FGF14: variants seen among roughly 807,000 people sequenced by gnomAD.
FGF14 encodes the protein fibroblast growth factor 14, also known as fibroblast growth factor homologous factor 4.
FGF14 carries 5 observed loss-of-function variants against 25.5 expected under a neutral mutation model. The observed-to-expected ratio is 0.20, with a 90% CI of 0.10 to 0.41. FGF14 has a LOEUF of 0.41. FGF14 is among the 10% of genes least tolerant of loss of function. The pLI, the probability that FGF14 is intolerant of heterozygous loss-of-function variation, is 1.00. For missense variants in FGF14, 222 were observed against 320.1 expected, an observed-to-expected ratio of 0.69 and a Z score of 2.34; for synonymous variants, 138 against 118.3, an observed-to-expected ratio of 1.17 and a Z score of -1.08.
rs1487852014 is a variant in FGF14, at chr13:102,320,577, C to T, written c.208+80894G>A. 2.6e-5 allele frequency among the ~76,000 whole-genome samples: 4 copies of T among 152,086 alleles called. No individual in the cohort carries two copies. In the East Asian group the frequency reaches 5.8e-4, roughly 22 times the overall value. The stretch of plus-strand genomic sequence containing the variant: ...TGTTTTGGAGACTTATTTTGTCATA[C>T]AGTCTTAAAGGAAAGGGATCTGGTT... On this transcript the variant is annotated intron_variant, in intron 1 of 4. Transcript: ENST00000376131.
At chr13:101,788,905 TATATAGAGAGAGAGAGAGAG>T (rs1399280701) in intron 3 of FGF14, among the ~76,000 whole-genome samples, 50 of 32,836 alleles carry the variant, frequency 1.5e-3, no homozygotes, top group South Asian at 2.9e-3. Context: ...TATATATATA[TATATAGAGAGAGAGAGAGAG>T]AGAGAGAGAG....
At chr13:102,223,639 T>G (rs988700342) in intron 1 of FGF14, among the ~76,000 whole-genome samples, 1 of 152,208 alleles carries the variant, frequency 6.6e-6, no homozygotes, top group Non-Finnish European at 1.5e-5. Context: ...TTGAAACACT[T>G]AAAAATCAAC....
intron 3 of FGF14, among the ~76,000 whole-genome samples, chr13:101,806,296 G>A (rs776211660): frequency 7.9e-5 from 12 of 151,984 alleles, no homozygotes; most frequent in African/African-American, 2.7e-4. Context: ...ATGTGTGCCT[G>A]TAATCCCAGC....
At chr13:101,948,514 A>T (rs1007293972) in intron 1 of FGF14, among the ~76,000 whole-genome samples, 8 of 151,130 alleles carry the variant, frequency 5.3e-5, no homozygotes, top group African/African-American at 1.9e-4. Flanking sequence ...CTACATTTTC[A>T]CTATGGGAAG....
chr13:102,129,879 T>C (rs1334259970), intron 1 of FGF14, among the ~76,000 whole-genome samples: 1 of 152,168 alleles, frequency 6.6e-6, no homozygotes, highest in Non-Finnish European at 1.5e-5. Flanking sequence ...AAGTTCTCCA[T>C]TGCAGATCTA....
chr13:101,935,700 G>A (rs1455619152), intron 1 of FGF14, among the ~76,000 whole-genome samples: 1 of 152,106 alleles, frequency 6.6e-6, no homozygotes, highest in Non-Finnish European at 1.5e-5. Flanking sequence ...AAATTACCCA[G>A]TGTCAGGTAT....
At chr13:101,932,316 G>A (rs1266583628) in intron 1 of FGF14, among the ~76,000 whole-genome samples, 3 of 152,026 alleles carry the variant, frequency 2.0e-5, no homozygotes, top group Admixed American at 2.0e-4. Context: ...GATCACCTGA[G>A]GTCAGAAGTT....
At chr13:102,214,615 C>G (rs1053532395) in intron 1 of FGF14, among the ~76,000 whole-genome samples, 1 of 152,280 alleles carries the variant, frequency 6.6e-6, no homozygotes, top group East Asian at 1.9e-4. Context: ...CCTACAGAAG[C>G]TAGGCAACCA....
At chr13:102,108,874 C>T (rs1382463671) in intron 1 of FGF14, among the ~76,000 whole-genome samples, 1 of 152,176 alleles carries the variant, frequency 6.6e-6, no homozygotes, top group African/African-American at 2.4e-5. Flanking sequence ...GATGTTTCAA[C>T]TTAACACATA....
At chr13:101,927,278 G>A (rs2034429058) in intron 1 of FGF14, among the ~76,000 whole-genome samples, 1 of 152,166 alleles carries the variant, frequency 6.6e-6, no homozygotes, top group Non-Finnish European at 1.5e-5. Flanking sequence ...ATATTTGAAA[G>A]CACCAAGACA....
intron 1 of FGF14, among the ~76,000 whole-genome samples, chr13:101,877,202 C>T (rs2045448894): frequency 6.6e-6 from 1 of 152,132 alleles, no homozygotes; most frequent in African/African-American, 2.4e-5. Flanking sequence ...GATTATGCCT[C>T]ATTTTGGGTG....
intron 1 of FGF14, among the ~76,000 whole-genome samples, chr13:102,088,993 A>G (rs1249953256): frequency 6.6e-6 from 1 of 152,182 alleles, no homozygotes; most frequent in African/African-American, 2.4e-5. Flanking sequence ...GCTTCTGTAA[A>G]AGGAAAGTCA....
intron 1 of FGF14, among the ~76,000 whole-genome samples, chr13:102,024,793 C>G (rs1341548896): frequency 6.6e-6 from 1 of 151,766 alleles, no homozygotes; most frequent in Non-Finnish European, 1.5e-5. Flanking sequence ...TAACTTCAAT[C>G]TTTTTCATGT....
At chr13:102,174,302 T>A (rs1183222007) in intron 1 of FGF14, among the ~76,000 whole-genome samples, 1 of 142,828 alleles carries the variant, frequency 7.0e-6, no homozygotes, top group East Asian at 2.3e-4. Context: ...GCCCAGCTAG[T>A]TTTTTCTTTT....
intron 3 of FGF14, among the ~76,000 whole-genome samples, chr13:101,856,918 T>C (rs2044155578): frequency 2.0e-5 from 3 of 151,982 alleles, no homozygotes. Flanking sequence ...CTTTTGCACG[T>C]GGTCTACGGT....
chr13:102,232,898 T>A (rs1041578206), intron 1 of FGF14, among the ~76,000 whole-genome samples: 11 of 152,300 alleles, frequency 7.2e-5, no homozygotes, highest in African/African-American at 2.6e-4. Flanking sequence ...GCTTATATAT[T>A]AGGTGAAACA....
At chr13:102,096,189 G>T (rs566365608) in intron 1 of FGF14, among the ~76,000 whole-genome samples, 1 of 151,982 alleles carries the variant, frequency 6.6e-6, no homozygotes, top group Admixed American at 6.6e-5. Context: ...GTACAATTAG[G>T]AATGAACAAT....
chr13:102,011,765 G>GTGTTCTCTGCAACA (rs1305740618), intron 1 of FGF14, among the ~76,000 whole-genome samples: 8 of 152,154 alleles, frequency 5.3e-5, no homozygotes, highest in African/African-American at 1.9e-4. Context: ...CGGTCATCAA[G>GTGTTCTCTGCAACA]CTCTCAGAGT....
At chr13:102,394,144 T>C (rs1321712462) in intron 1 of FGF14, among the ~76,000 whole-genome samples, 1 of 152,190 alleles carries the variant, frequency 6.6e-6, no homozygotes, top group African/African-American at 2.4e-5. Flanking sequence ...GACCAGAACT[T>C]GGCTCGTTCT....
Sources: gnomAD v4.1 joint callset for allele counts (sites outside exome capture counted in the v4.1 genomes callset) on GRCh38, gnomAD v4.1.1 for gene constraint, MANE v1.5 for transcripts, NCBI Gene and HGNC (gene_info 2026-07-23, HGNC 2026-07-21) for gene names.